SYCP1: variants seen among roughly 807,000 people sequenced by gnomAD.
SYCP1 encodes cancer/testis antigen 8.
In SYCP1, 64 loss-of-function variants were observed where a neutral mutation model predicts 153.1. The observed-to-expected ratio is 0.42, with a 90% confidence interval of 0.34 to 0.51. The LOEUF (loss-of-function observed/expected upper bound fraction) is 0.51. Among genes scored for constraint, SYCP1 ranks in the 20% least tolerant of loss-of-function variants. The probability of loss-of-function intolerance (pLI) is 0.06; values close to 1 mark genes in which losing one functional copy is unlikely to be tolerated. For missense variants in SYCP1, 997 were observed against 1,049.0 expected, an observed-to-expected ratio of 0.95 and a Z score of 0.68; for synonymous variants, 384 against 341.8, an observed-to-expected ratio of 1.12 and a Z score of -1.36.
chr1:114,924,048 C>A (rs530097911), intron 21 of SYCP1, among the ~76,000 whole-genome samples: 20 of 152,126 alleles, frequency 1.3e-4, no homozygotes, highest in Non-Finnish European at 1.8e-4. Flanking sequence ...ATTCATTCAA[C>A]AAATATTGAC....
At position 114,855,417 on chromosome 1, in the gene SYCP1, C is replaced by T. The variant is rs377258456; in HGVS notation, c.-24-24C>T. ...CTCGGTGAAAAAAAACTTTCCTTCC[C>T]CTCCCGCCCCCCCGGGGCAGTAGAT... On this transcript the variant is annotated intron_variant, in intron 1 of 31. Transcript: ENST00000369522. 4.4e-6 allele frequency: 6 copies of T among 1,368,518 alleles called. No homozygotes were observed. In the African/African-American group the frequency reaches 1.6e-4, roughly 37 times the overall value. 84.8% of individuals were successfully genotyped at this position (1,368,518 alleles called of 1,614,324 possible).
chr1:114,869,957 C>A (rs1180821127), intron 8 of SYCP1, among the ~76,000 whole-genome samples: 2 of 152,114 alleles, frequency 1.3e-5, no homozygotes, highest in Non-Finnish European at 2.9e-5. Flanking sequence ...TAGGCCTATA[C>A]ATGTTAAAAA....
intron 16 of SYCP1, among the ~76,000 whole-genome samples, chr1:114,900,613 T>G (rs962511660): frequency 2.0e-5 from 3 of 152,240 alleles, no homozygotes; most frequent in Non-Finnish European, 4.4e-5. Context: ...CACATTTTAC[T>G]GTTCTTACAC....
At chr1:114,891,438 A>G (rs1052802334) in intron 15 of SYCP1, among the ~76,000 whole-genome samples, 1 of 152,236 alleles carries the variant, frequency 6.6e-6, no homozygotes, top group African/African-American at 2.4e-5. Context: ...TTTAAGAGGC[A>G]TCTCATTGCC....
chr1:114,957,656 A>C (rs1392969113), intron 27 of SYCP1, among the ~76,000 whole-genome samples: 2 of 152,230 alleles, frequency 1.3e-5, no homozygotes, highest in Non-Finnish European at 2.9e-5. Flanking sequence ...GAAGACATAC[A>C]GATGGAAACA....
At chr1:114,901,679 A>T (rs1310958519) in intron 16 of SYCP1, among the ~76,000 whole-genome samples, 1 of 152,230 alleles carries the variant, frequency 6.6e-6, no homozygotes, top group East Asian at 1.9e-4. Context: ...GCTGAGGACT[A>T]TACAGAAAGT....
chr1:114,917,813 C>A (rs1227522067), intron 20 of SYCP1, among the ~76,000 whole-genome samples: 1 of 152,012 alleles, frequency 6.6e-6, no homozygotes, highest in Admixed American at 6.6e-5. Flanking sequence ...ATCTTTCGCC[C>A]ATTTTTTCCC....
chr1:114,984,833 A>G lies in SYCP1; in HGVS notation c.2668A>G (p.Ile890Val), dbSNP rs1673393080. The change falls in exon 30 of 32, where the codon ATT (isoleucine) becomes GTT (valine). Residue 890 changes from isoleucine to valine, a missense_variant. This residue lies in a region of SYCP1 where 712 missense variants were observed against 682.9 expected (regional missense o/e 1.04). Transcript: ENST00000369522. ...GAGAAAAATGGCCTTTGAATTTGAT[A>G]TTAATTCAGATAGTTCAGAAACTAC... ...KKRKMAFEFD[I>V]NSDSSETTDL... 3.4e-6 allele frequency: 5 copies of G among 1,471,874 alleles called. No individual in the cohort carries two copies. The South Asian group carries it at 5.6e-5, about 17-fold the overall frequency. The allele number at this position is 1,471,874 out of a possible 1,614,324, so 91.2% of individuals were successfully genotyped here. A position where few individuals can be genotyped will look rare whatever the true frequency, so the allele number is the denominator to read the frequency against.
At chr1:114,937,099 C>G (rs534880649) in intron 23 of SYCP1, among the ~76,000 whole-genome samples, 1 of 152,096 alleles carries the variant, frequency 6.6e-6, no homozygotes, top group South Asian at 2.1e-4. Flanking sequence ...CAATTCTAAG[C>G]GAAAAGAACA....
intron 16 of SYCP1, among the ~76,000 whole-genome samples, chr1:114,902,585 C>T (rs1394718625): frequency 1.3e-5 from 2 of 150,496 alleles, no homozygotes; most frequent in Non-Finnish European, 2.9e-5. Flanking sequence ...ACGGCAGGAG[C>T]TTCCTGAGGC....
intron 30 of SYCP1, among the ~76,000 whole-genome samples, chr1:114,991,060 A>C (rs1424980632): frequency 6.6e-6 from 1 of 151,990 alleles, no homozygotes; most frequent in African/African-American, 2.4e-5. Context: ...AGAATAAGTT[A>C]AATAATGCTT....
intron 8 of SYCP1, among the ~76,000 whole-genome samples, chr1:114,869,624 T>C (rs1004134969): frequency 2.0e-5 from 3 of 152,186 alleles, no homozygotes; most frequent in Non-Finnish European, 4.4e-5. Context: ...CAAAATCCAA[T>C]TGAGTGCCAA....
intron 27 of SYCP1, among the ~76,000 whole-genome samples, chr1:114,962,140 AC>A (rs1282480840): frequency 2.0e-5 from 3 of 151,802 alleles, no homozygotes; most frequent in African/African-American, 7.2e-5. Flanking sequence ...CCGGCACAAC[AC>A]CCAGCTAATT....
chr1:114,917,953 ATT>A (rs986477724), intron 20 of SYCP1, among the ~76,000 whole-genome samples: 1 of 142,912 alleles, frequency 7.0e-6, no homozygotes. Flanking sequence ...CCCTTTGTTG[ATT>A]TTTTTTTTTC....
At chr1:114,887,316 T>G (rs1666380037) in intron 14 of SYCP1, among the ~76,000 whole-genome samples, 1 of 152,080 alleles carries the variant, frequency 6.6e-6, no homozygotes, top group Admixed American at 6.6e-5. Flanking sequence ...ACATACTCAA[T>G]TTCTTTCAGA....
intron 6 of SYCP1, among the ~76,000 whole-genome samples, chr1:114,859,448 T>C (rs1664234577): frequency 6.6e-6 from 1 of 152,194 alleles, no homozygotes. Flanking sequence ...TGTGACATTG[T>C]ATTAGGACAA....
chr1:114,861,763 C>T (rs1170807181), intron 8 of SYCP1, among the ~76,000 whole-genome samples: 1 of 148,000 alleles, frequency 6.8e-6, no homozygotes, highest in Non-Finnish European at 1.5e-5. Flanking sequence ...TTATTATTGT[C>T]GTTATTTCTA....
rs1674203114 is a variant in SYCP1, at chr1:114,995,206, G to C, written c.*187G>C. On this transcript the variant is annotated 3_prime_UTR_variant, in exon 32 of 32. Coordinates refer to ENST00000369522, the MANE Select transcript of SYCP1 (RefSeq NM_003176.4). ...ACATATTGTCTGGAAACCTGTCATT[G>C]TATTCAGATAATTAGATGATTATAT... 3 of 481,120 alleles carry C rather than the reference G, an allele frequency of 6.2e-6. No homozygotes were observed. The allele number at this position is 481,120 out of a possible 1,614,324, so 29.8% of individuals were successfully genotyped here. A position where few individuals can be genotyped will look rare whatever the true frequency, so the allele number is the denominator to read the frequency against.
chr1:114,946,628 T>C (rs539140593), intron 26 of SYCP1, among the ~76,000 whole-genome samples: 1 of 152,274 alleles, frequency 6.6e-6, no homozygotes, highest in South Asian at 2.1e-4. Context: ...GGACCTCTGA[T>C]TGAAATTGGG....
Sources: gnomAD v4.1 joint callset for allele counts (sites outside exome capture counted in the v4.1 genomes callset) on GRCh38, gnomAD v4.1.1 for gene constraint, gnomAD v4.1.1 regional missense constraint, MANE v1.5 for transcripts, NCBI Gene and HGNC (gene_info 2026-07-23, HGNC 2026-07-21) for gene names.